Variants in SV2A observed in about 807,000 individuals in gnomAD.
The protein encoded by SV2A is synaptic vesicle glycoprotein 2A.
In SV2A, 25 loss-of-function variants were observed where a neutral mutation model predicts 78.0. The ratio of observed to expected loss-of-function variants is 0.32; its 90% CI spans 0.23 to 0.45. The LOEUF (loss-of-function observed/expected upper bound fraction) is 0.45. SV2A is among the 20% of genes least tolerant of loss of function. SV2A has a pLI of 1.00. For missense variants in SV2A, 752 were observed against 971.5 expected (o/e 0.77, Z 3.00); for synonymous variants, 355 against 384.7 (o/e 0.92, Z 0.90).
rs74124074 is a variant in SV2A at position 149,907,474 on chromosome 1, G to A, written c.1678+226C>T. 4.0e-3 allele frequency among the ~76,000 whole-genome samples: 616 copies of A among 152,246 alleles called. 4 individuals carry two copies. The highest frequency in any genetic ancestry group is 0.014 in the African/African-American group (585 of 41,542). On this transcript the variant is annotated intron_variant, in intron 10 of 12. Transcript: ENST00000369146. ...CACTGAGTTATAATTTCAGCCAAAG[G>A]CAAATAAACTTGATGTTTTTGTCAG...
intron 1 of SV2A, among the ~76,000 whole-genome samples, chr1:149,914,420 C>T (rs759717678): frequency 2.6e-4 from 40 of 152,152 alleles, no homozygotes; most frequent in Non-Finnish European, 4.4e-4. Context: ...GGAATTTGCT[C>T]CAAAGTCGCA....
chr1:149,908,085 A>G lies in SV2A; in HGVS notation c.1501T>C (p.Leu501=). The part of the protein sequence containing the change: ...RVEHVTFNFT[L]ENQIHRGGQY... ...CCGCCTCGGTGGATCTGATTCTCCA[A>G]CGTGAAGTTAAAAGTTACATGCTCT... The change falls in exon 9 of 13, where the codon TTG becomes CTG. Residue 501 remains leucine (L), a synonymous_variant. Coordinates refer to ENST00000369146, the MANE Select transcript of SV2A (RefSeq NM_014849.5). The G allele has an allele frequency of 6.2e-7, 1 of 1,614,166 alleles. No individual in the cohort carries two copies. Among genetic ancestry groups the G allele is most frequent in the Non-Finnish European group, 8.5e-7 (1 of 1,180,028 alleles).
At position 149,906,639 on chromosome 1, in the gene SV2A, C is replaced by T. The variant is rs1290953774; in HGVS notation, c.1885+11G>A. ...CCTACTATCAGATCTGACTCAGCCTCTCCCCCTTACCAAGCATTCTGAGCC... is the reference window on the plus strand; with the variant it reads ...CCTACTATCAGATCTGACTCAGCCTTTCCCCCTTACCAAGCATTCTGAGCC... On this transcript the variant is annotated intron_variant, in intron 11 of 12. Coordinates refer to ENST00000369146, the MANE Select transcript of SV2A (RefSeq NM_014849.5). 14 of 1,613,882 alleles carry T rather than the reference C, an allele frequency of 8.7e-6. No homozygotes were observed. Among genetic ancestry groups the T allele is most frequent in the Non-Finnish European group, 1.2e-5 (14 of 1,179,940 alleles).
rs782438295 is a variant in SV2A, at chr1:149,913,790, G to T, written c.51C>A (p.Asp17Glu). The change falls in exon 2 of 13, where the codon GAC becomes GAA. Residue 17 changes from aspartate (D) to glutamate (E), a missense_variant. This residue lies in a region of SV2A where 291 missense variants were observed against 359.5 expected (regional missense o/e 0.81). Transcript: ENST00000369146. The part of the protein sequence containing the change: ...DRAAFIRGAK[D>E]IAKEVKKHAA... ...CATGCTTTTTGACTTCCTTAGCAAT[G>T]TCTTTGGCCCCACGGATGAAAGCTG... is the stretch of plus-strand genomic sequence containing the variant. 9.9e-6 allele frequency: 16 copies of T among 1,613,790 alleles called. No individual in the cohort carries two copies. In the East Asian group the frequency reaches 3.6e-4, roughly 36 times the overall value.
chr1:149,907,956 A>C (rs373875401), intron 9 of SV2A, 86 bp downstream of exon 9: 2 of 1,572,206 alleles, frequency 1.3e-6, no homozygotes, highest in African/African-American at 1.4e-5. Context: ...TTGCCCCCCA[A>C]ATGTCTTGTC....
intron 10 of SV2A, among the ~76,000 whole-genome samples, chr1:149,907,400 G>C (rs1387251355): frequency 6.6e-6 from 1 of 152,088 alleles, no homozygotes; most frequent in Admixed American, 6.5e-5. Context: ...TCCCAAGAAT[G>C]CTATTTTGGA....
At chr1:149,906,953 G>T in intron 10 of SV2A, 97 bp from the exon 11 acceptor site, 1 of 1,537,350 alleles carries the variant, frequency 6.5e-7, no homozygotes. Context: ...ATGAAAGTTA[G>T]TAGGAGGGGC....
Position 149,909,803 on chromosome 1 carries a change from A to G in SV2A, c.1177T>C (p.Ser393Pro). Residue 393 changes from serine to proline, a missense_variant and splice_region_variant, in exon 6 of 13, where the codon TCA (serine) becomes CCA (proline). By Grantham distance (74) the Ser-to-Pro change is moderately conservative (BLOSUM62 -1). Transcript: ENST00000369146. Reference sequence around the variant, plus strand: ...GAGTCGGGAGGGCTGTGGCTTACTGAGAACACTCGCTCAGGATGTCCTTTG... The same window carrying G: ...GAGTCGGGAGGGCTGTGGCTTACTGGGAACACTCGCTCAGGATGTCCTTTG... ...RAKGHPERVF[S>P]VTHIKTIHQE... 2 of 1,613,726 alleles carry G rather than the reference A, an allele frequency of 1.2e-6. No homozygotes were observed. Among genetic ancestry groups the G allele is most frequent in the Non-Finnish European group, 1.7e-6 (2 of 1,179,992 alleles).
At position 149,906,683 on chromosome 1, in the gene SV2A, G is replaced by C; in HGVS notation, c.1852C>G (p.Leu618Val). 6.2e-7 allele frequency: 1 copy of C among 1,614,188 alleles called. No individual in the cohort carries two copies. The highest frequency in any genetic ancestry group is 8.5e-7 in the Non-Finnish European group (1 of 1,180,034). Residue 618 changes from leucine (L) to valine (V), a missense_variant, in exon 11 of 13, where the codon CTC (leucine) becomes GTC (valine). This residue lies in a region of SV2A where 186 missense variants were observed against 274.6 expected (regional missense o/e 0.68). Transcript: ENST00000369146. ...VLPGNIVSALLMDKIGRLRML... is the reference protein window; with the variant it reads ...VLPGNIVSALVMDKIGRLRML... Reference sequence around the variant, plus strand: ...CTGAGCCTGCCGATCTTGTCCATGAGCAGGGCAGACACGATATTCCCAGGA... The same window carrying C: ...CTGAGCCTGCCGATCTTGTCCATGACCAGGGCAGACACGATATTCCCAGGA...
chr1:149,905,694 C>CG (rs1559785876), intron 12 of SV2A, 186 bp downstream of exon 12: 1 of 738,564 alleles, frequency 1.4e-6, no homozygotes, highest in African/African-American at 1.8e-5. Context: ...CTGCCTGCCT[C>CG]GGCCTCCCAA....
At chr1:149,906,952 A>G in intron 10 of SV2A, 96 bp from the exon 11 acceptor site, 1 of 1,539,066 alleles carries the variant, frequency 6.5e-7, no homozygotes. Flanking sequence ...TATGAAAGTT[A>G]GTAGGAGGGG....
In SV2A at chr1:149,909,100, C is replaced by T; in HGVS notation, c.1379+92G>A. On this transcript the variant is annotated intron_variant, in intron 8 of 12. Coordinates refer to ENST00000369146, the MANE Select transcript of SV2A (RefSeq NM_014849.5). ...GTCTGCATGGCACCTTCCCTCATCG[C>T]TTGTCCCCTGCATCTCCATTCTCCC... 3 of 1,291,280 alleles carry T rather than the reference C, an allele frequency of 2.3e-6. No individual in the cohort carries two copies. The South Asian group carries it at 3.6e-5, about 16-fold the overall frequency. The allele number at this position is 1,291,280 out of a possible 1,614,324, so 80.0% of individuals were successfully genotyped here.
At chr1:149,912,950 G>A (rs1407427120) in intron 2 of SV2A, among the ~76,000 whole-genome samples, 1 of 152,094 alleles carries the variant, frequency 6.6e-6, no homozygotes, top group East Asian at 1.9e-4. Flanking sequence ...ACCTCCTGCA[G>A]AATGAAGCAG....
intron 1 of SV2A, among the ~76,000 whole-genome samples, chr1:149,916,766 C>A (rs2092516686): frequency 6.6e-6 from 1 of 152,166 alleles, no homozygotes; most frequent in Admixed American, 6.5e-5. Context: ...TGCGGGAGCA[C>A]CCCTTCCCCA....
Position 149,915,804 on chromosome 1 carries a change from G to A in SV2A, c.-347-1617C>T, listed in dbSNP as rs587692190. On this transcript the variant is annotated intron_variant, in intron 1 of 12. Transcript: ENST00000369146. ...AGCCCCCTTCCTTCATAGGAGCAGA[G>A]GAAGCAGGCCTAGATTCTGATCAGA... Among the ~76,000 whole-genome samples, 41 of 152,198 alleles carry A rather than the reference G, an allele frequency of 2.7e-4. No homozygotes were observed. The South Asian group carries it at 8.1e-3, about 30-fold the overall frequency.
At chr1:149,909,997 G>A in intron 5 of SV2A, 107 bp from the exon 6 acceptor site, 1 of 1,038,196 alleles carries the variant, frequency 9.6e-7, no homozygotes, top group Non-Finnish European at 1.5e-6. Context: ...ACACTAAATG[G>A]TTCCCAGCCC....
intron 12 of SV2A, chr1:149,905,473 A>AGACG (rs2092431458): frequency 3.4e-6 from 1 of 291,420 alleles, no homozygotes; most frequent in African/African-American, 2.4e-5. Flanking sequence ...TTTTTTTTTG[A>AGACG]GACGGAGTCT....
rs782156159 is a variant in SV2A at position 149,908,158 on chromosome 1, C to T, written c.1428G>A (p.Gln476=). The T allele has an allele frequency of 1.2e-6, 2 of 1,614,176 alleles. No homozygotes were observed. The highest frequency in any genetic ancestry group is 1.7e-6 in the Non-Finnish European group (2 of 1,180,028). Residue 476 remains glutamine, a synonymous_variant, in exon 9 of 13, where the codon CAG becomes CAA. Coordinates refer to ENST00000369146, the MANE Select transcript of SV2A (RefSeq NM_014849.5). ...TGGTGCGGGATGCGTAGTCCACTGC[C>T]TGGAGATGGCGGATCATGTCAGGAA... is the stretch of plus-strand genomic sequence containing the variant. ...VWFPDMIRHL[Q]AVDYASRTKV...
chr1:149,912,011 G>A, intron 2 of SV2A, 31 bp from the exon 3 acceptor site: 3 of 1,601,680 alleles, frequency 1.9e-6, no homozygotes, highest in Non-Finnish European at 2.6e-6. Flanking sequence ...GGCAGAGGGG[G>A]TGTGAGCAGA....
Sources: allele counts gnomAD v4.1 joint callset (sites outside exome capture counted in the v4.1 genomes callset), GRCh38; gene constraint gnomAD v4.1.1; regional missense constraint gnomAD v4.1.1; transcripts MANE v1.5; gene names NCBI Gene and HGNC (gene_info 2026-07-23, HGNC 2026-07-21).